The following USP53 variants were observed in gnomAD, a reference collection of about 807,000 sequenced individuals.
The protein encoded by USP53 is ubiquitin carboxyl-terminal hydrolase 53.
Under a neutral mutation model 94.9 loss-of-function variants are expected in USP53, and 71 were observed. That is an observed-to-expected ratio of 0.75 (90% confidence interval 0.62 to 0.91). USP53 has a LOEUF of 0.91. USP53 is among the 40% of genes least tolerant of loss of function. The probability of loss-of-function intolerance (pLI) is 0.00; values close to 1 mark genes in which losing one functional copy is unlikely to be tolerated. For synonymous variants in USP53, 375 were observed against 422.7 expected (o/e 0.89, Z 1.39); for missense variants, 1,173 against 1,281.0 (o/e 0.92, Z 1.29).
rs751388940 is a variant in USP53 at position 119,248,750 on chromosome 4, G to A, written c.240G>A (p.Thr80=). The change falls in exon 7 of 19, where the codon ACG becomes ACA. Residue 80 remains threonine, a splice_region_variant and synonymous_variant. Coordinates refer to ENST00000692078, the MANE Select transcript of USP53 (RefSeq NM_001371395.1). The part of the protein sequence containing the change: ...GDACIFCALK[T]IFAQFQHSRE... ...CTGATTTTCTTGTCGATTCCCAGAC[G>A]ATATTTGCACAGTTCCAACACAGTC... 7.4e-5 allele frequency: 119 copies of A among 1,608,344 alleles called. No individual in the cohort carries two copies. Among genetic ancestry groups the A allele is most frequent in the Non-Finnish European group, 9.8e-5 (115 of 1,177,822 alleles).
chr4:119,270,054 A>C (rs1463123854), intron 15 of USP53, among the ~76,000 whole-genome samples: 1 of 134,546 alleles, frequency 7.4e-6, no homozygotes, highest in Non-Finnish European at 1.6e-5. Flanking sequence ...TATATAATTT[A>C]TATAGTTTAT....
intron 7 of USP53, among the ~76,000 whole-genome samples, chr4:119,255,140 GC>G (rs1324783316): frequency 2.0e-5 from 3 of 152,156 alleles, no homozygotes; most frequent in Non-Finnish European, 2.9e-5. Flanking sequence ...GTGTCTGTTG[GC>G]CCCTAATGGG....
chr4:119,271,727 C>G lies in USP53; in HGVS notation c.1867C>G (p.Pro623Ala), dbSNP rs781433242. ...ISNKPKSSKD[P>A]SFSNWPKENP... ...TAATAAGCCTAAATCTAGCAAGGAT[C>G]CGAGTTTTAGTAATTGGCCAAAAGA... is the stretch of plus-strand genomic sequence containing the variant. The change falls in exon 16 of 19, where the codon CCG becomes GCG. Residue 623 changes from proline (P) to alanine (A), a missense_variant. By Grantham distance (27) the Pro-to-Ala change is conservative. Transcript: ENST00000692078. The G allele has an allele frequency of 3.7e-6, 6 of 1,613,956 alleles. No individual in the cohort carries two copies. The highest frequency in any genetic ancestry group is 5.1e-6 in the Non-Finnish European group (6 of 1,179,994).
At chr4:119,291,539 A>T (rs1162546896) in intron 18 of USP53, among the ~76,000 whole-genome samples, 1 of 152,170 alleles carries the variant, frequency 6.6e-6, no homozygotes, top group Non-Finnish European at 1.5e-5. Context: ...TGTGACCAAA[A>T]CTATCGAGCT....
At position 119,273,670 on chromosome 4, in the gene USP53, G is replaced by C. The variant is rs1752165534; in HGVS notation, c.2213G>C (p.Gly738Ala). The change falls in exon 17 of 19, where the codon GGG becomes GCG. Residue 738 changes from glycine (G) to alanine (A), a missense_variant. By Grantham distance (60) the Gly-to-Ala change is moderately conservative. Transcript: ENST00000692078. ...ACAAGCAACCTAAATAAAGAACGTG[G>C]GGACTGTACCTCCCTTCAGAGCCAA... ...ITTSNLNKER[G>A]DCTSLQSQHH... 6.2e-7 allele frequency: 1 copy of C among 1,612,538 alleles called. No individual in the cohort carries two copies. Among genetic ancestry groups the C allele is most frequent in the Non-Finnish European group, 8.5e-7 (1 of 1,179,188 alleles).
chr4:119,256,399 T>C, intron 8 of USP53, 40 bp downstream of exon 8: 23 of 1,613,556 alleles, frequency 1.4e-5, no homozygotes, highest in Non-Finnish European at 1.9e-5. Context: ...TGTAGTTCTG[T>C]TTTATGATTG....
chr4:119,263,696 C>T (rs943361478), intron 12 of USP53, among the ~76,000 whole-genome samples: 2 of 152,138 alleles, frequency 1.3e-5, no homozygotes, highest in Non-Finnish European at 1.5e-5. Flanking sequence ...TTAGCTGGAA[C>T]CTTCAGAAAA....
intron 17 of USP53, among the ~76,000 whole-genome samples, chr4:119,287,307 A>G (rs1280228339): frequency 2.6e-5 from 4 of 152,066 alleles, no homozygotes; most frequent in Non-Finnish European, 2.9e-5. Context: ...AGTTCCTCTC[A>G]TTCTACCATC....
At chr4:119,216,283 A>T (rs1391928394) in intron 2 of USP53, among the ~76,000 whole-genome samples, 3 of 152,062 alleles carry the variant, frequency 2.0e-5, no homozygotes, top group Non-Finnish European at 4.4e-5. Flanking sequence ...AAGGAGGCTG[A>T]GGCAGGAGAA....
intron 4 of USP53, among the ~76,000 whole-genome samples, chr4:119,235,812 G>A (rs1414001170): frequency 6.6e-6 from 1 of 151,956 alleles, no homozygotes; most frequent in Non-Finnish European, 1.5e-5. Flanking sequence ...TCCAATCTTT[G>A]TGCAAATGTA....
chr4:119,268,433 A>G lies in USP53; in HGVS notation c.1288+13A>G, dbSNP rs775338568. On this transcript the variant is annotated intron_variant, in intron 14 of 18. Transcript: ENST00000692078. Reference sequence around the variant, plus strand: ...GGGAAAGGACCAGGTATGTGTTTAAATTGTCATTTTTACATAGTTCCAAGT... The same window carrying G: ...GGGAAAGGACCAGGTATGTGTTTAAGTTGTCATTTTTACATAGTTCCAAGT... The G allele has an allele frequency of 6.3e-7, 1 of 1,594,892 alleles. No individual in the cohort carries two copies. Among genetic ancestry groups the G allele is most frequent in the Admixed American group, 1.8e-5 (1 of 56,370 alleles).
In USP53 at chr4:119,292,595, C is replaced by T. The variant is rs1553982857; in HGVS notation, c.2606C>T (p.Thr869Ile). ...TCATTATGGTCTTCACACCTAAGAA[C>T]TGTTGGGTTAAAGCCAGAAACTGCT... ...PSSLWSSHLR[T>I]VGLKPETAPL... The change falls in exon 19 of 19, where the codon ACT (threonine) becomes ATT (isoleucine). Residue 869 changes from threonine (T) to isoleucine (I), a missense_variant. Thr to Ile is a moderately conservative substitution (Grantham distance 89, BLOSUM62 -1). Transcript: ENST00000692078. 2 of 1,614,068 alleles carry T rather than the reference C, an allele frequency of 1.2e-6. No individual in the cohort carries two copies. Among genetic ancestry groups the T allele is most frequent in the South Asian group, 1.1e-5 (1 of 91,080 alleles).
Position 119,271,708 on chromosome 4 carries a change from G to A in USP53, c.1848G>A (p.Lys616=), listed in dbSNP as rs1199246685. 4.3e-6 allele frequency: 7 copies of A among 1,614,030 alleles called. No homozygotes were observed. In the South Asian group the frequency reaches 6.6e-5, roughly 15 times the overall value. The stretch of plus-strand genomic sequence containing the variant: ...GACATAAACCAAATATCAGTAATAA[G>A]CCTAAATCTAGCAAGGATCCGAGTT... The part of the protein sequence containing the change: ...SPRHKPNISN[K]PKSSKDPSFS... The change falls in exon 16 of 19, where the codon AAG becomes AAA. Residue 616 remains lysine (K), a synonymous_variant. Transcript: ENST00000692078.
chr4:119,216,645 G>A (rs1289554331), intron 2 of USP53, among the ~76,000 whole-genome samples: 1 of 152,044 alleles, frequency 6.6e-6, no homozygotes, highest in Admixed American at 6.5e-5. Context: ...TATAAATTAG[G>A]TTTTTCATAT....
intron 12 of USP53, among the ~76,000 whole-genome samples, chr4:119,264,278 C>G (rs1052833578): frequency 6.6e-6 from 1 of 152,038 alleles, no homozygotes. Flanking sequence ...ATGGGACTAT[C>G]AGGGGAGGAT....
At chr4:119,258,426 C>G (rs1195635865) in intron 9 of USP53, among the ~76,000 whole-genome samples, 1 of 152,138 alleles carries the variant, frequency 6.6e-6, no homozygotes, top group African/African-American at 2.4e-5. Context: ...TAAGTACAAT[C>G]AGAACATCTA....
intron 3 of USP53, among the ~76,000 whole-genome samples, chr4:119,232,493 T>G (rs1181473391): frequency 1.3e-5 from 2 of 152,214 alleles, no homozygotes; most frequent in Non-Finnish European, 2.9e-5. Flanking sequence ...TGAATAGTAT[T>G]CCACTGTATG....
intron 3 of USP53, among the ~76,000 whole-genome samples, chr4:119,227,667 A>G (rs751699754): frequency 2.6e-5 from 4 of 152,158 alleles, no homozygotes; most frequent in Admixed American, 6.5e-5. Context: ...GTATTCAAAA[A>G]CTTAGGAAGG....
In USP53 at chr4:119,266,785, T is replaced by G. The variant is rs560636516; in HGVS notation, c.973-535T>G. Among the ~76,000 whole-genome samples the G allele has an allele frequency of 4.7e-4, 72 of 152,310 alleles. 1 individual carries two copies. The highest frequency in any genetic ancestry group is 4.7e-3 in the Admixed American group (72 of 15,306). On this transcript the variant is annotated intron_variant, in intron 12 of 18. Coordinates refer to ENST00000692078, the MANE Select transcript of USP53 (RefSeq NM_001371395.1). ...TAATTAATTTAGATTAAGTCCATTT[T>G]AAAAATATTTTTCTTCTATGGTTTG...
Sources: allele counts gnomAD v4.1 joint callset (sites outside exome capture counted in the v4.1 genomes callset), GRCh38; gene constraint gnomAD v4.1.1; transcripts MANE v1.5; gene names NCBI Gene and HGNC (gene_info 2026-07-23, HGNC 2026-07-21).